Variants in MT1G observed in about 807,000 individuals in gnomAD.
MT1G encodes the protein metallothionein 1G.
MT1G carries 8 observed loss-of-function variants against 9.1 expected under a neutral mutation model. The ratio of observed to expected loss-of-function variants is 0.87; its 90% CI spans 0.51 to 1.58. The LOEUF (loss-of-function observed/expected upper bound fraction) is 1.58, where lower values mean the gene tolerates loss of function less well. MT1G is among the 40% of genes most tolerant of loss of function. The probability of loss-of-function intolerance (pLI) is 0.00; values close to 1 mark genes in which losing one functional copy is unlikely to be tolerated. For synonymous variants in MT1G, 31 were observed against 28.4 expected (o/e 1.09, Z -0.29); for missense variants, 79 against 77.3 (o/e 1.02, Z -0.08).
rs140791442 is a variant in MT1G at position 56,666,907 on chromosome 16, G to A, written c.161C>T (p.Ala54Val). ...KCAQGCICKG[A>V]SEKCSCCA ...GGCGCAGCAGCTGCACTTCTCCGAT[G>A]CCCCTTTGCAGATGCAGCCCTGGGC... The change falls in exon 3 of 3, where the codon GCA (alanine) becomes GTA (valine). Residue 54 changes from alanine to valine, a missense_variant. By Grantham distance (64) the Ala-to-Val change is moderately conservative. Transcript: ENST00000379811. The A allele has an allele frequency of 5.7e-4, 927 of 1,614,242 alleles. 3 individuals are homozygous for A. The highest frequency in any genetic ancestry group is 5.2e-3 in the East Asian group (233 of 44,892).
intron 2 of MT1G, 54 bp downstream of exon 2, chr16:56,667,258 T>C: frequency 6.2e-7 from 1 of 1,614,074 alleles, no homozygotes; most frequent in Non-Finnish European, 8.5e-7. Context: ...AGCCTTGGGT[T>C]CCCTCCCAAC....
chr16:56,668,038 G>C lies in MT1G; in HGVS notation c.-45C>G. 6.2e-7 allele frequency: 1 copy of C among 1,606,488 alleles called. No individual in the cohort carries two copies. The highest frequency in any genetic ancestry group is 1.1e-5 in the South Asian group (1 of 90,944). On this transcript the variant is annotated 5_prime_UTR_variant, in exon 1 of 3. Coordinates refer to ENST00000379811, the MANE Select transcript of MT1G (RefSeq NM_001301267.2). ...AGAGTTCCCAAGCGAGAAGGGAAGA[G>C]GCAGTGGGTGCACGTGGAAGGCGGA...
rs758840134 is a variant in MT1G at position 56,666,910 on chromosome 16, C to T, written c.158G>A (p.Gly53Glu). The change falls in exon 3 of 3, where the codon GGG (glycine) becomes GAG (glutamate). Residue 53 changes from glycine to glutamate, a missense_variant. By Grantham distance (98) the Gly-to-Glu change is moderately conservative. Coordinates refer to ENST00000379811, the MANE Select transcript of MT1G (RefSeq NM_001301267.2). ...GCAGCAGCTGCACTTCTCCGATGCCCCTTTGCAGATGCAGCCCTGGGCACA... is the reference window on the plus strand; with the variant it reads ...GCAGCAGCTGCACTTCTCCGATGCCTCTTTGCAGATGCAGCCCTGGGCACA... ...AKCAQGCICK[G>E]ASEKCSCCA The T allele has an allele frequency of 4.3e-5, 70 of 1,614,110 alleles. No homozygotes were observed. Among genetic ancestry groups the T allele is most frequent in the Middle Eastern group, 1.6e-4 (1 of 6,080 alleles).
At chr16:56,667,283 C>T in intron 2 of MT1G, 29 bp downstream of exon 2, 1 of 1,614,234 alleles carries the variant, frequency 6.2e-7, no homozygotes, top group South Asian at 1.1e-5. Context: ...GCCACAGCCC[C>T]AGATTCCTGG....
intron 2 of MT1G, 160 bp downstream of exon 2, chr16:56,667,152 T>C (rs1960792209): frequency 1.3e-6 from 2 of 1,541,432 alleles, no homozygotes; most frequent in Non-Finnish European, 1.8e-6. Context: ...CTGCCCCACC[T>C]CACATAAGCC....
At position 56,667,296 on chromosome 16, in the gene MT1G, A is replaced by G. The variant is rs770981958; in HGVS notation, c.97+16T>C. 11 of 1,614,124 alleles carry G rather than the reference A, an allele frequency of 6.8e-6. No homozygotes were observed. The Admixed American group carries it at 1.5e-4, about 22-fold the overall frequency. On this transcript the variant is annotated intron_variant, in intron 2 of 2. Coordinates refer to ENST00000379811, the MANE Select transcript of MT1G (RefSeq NM_001301267.2). The stretch of plus-strand genomic sequence containing the variant: ...TAGCCACAGCCCCAGATTCCTGGAG[A>G]TGGCCCCGCACTCACTCTTCTTGCA...
rs1250649759 is a variant in MT1G, at chr16:56,666,872, C to G, written c.*7G>C. On this transcript the variant is annotated 3_prime_UTR_variant, in exon 3 of 3. Transcript: ENST00000379811. ...TATTTGTACTTGGGAGCAGGGCTGT[C>G]CCGACATCAGGCGCAGCAGCTGCAC... is the stretch of plus-strand genomic sequence containing the variant. 5 of 1,614,068 alleles carry G rather than the reference C, an allele frequency of 3.1e-6. No homozygotes were observed. The highest frequency in any genetic ancestry group is 3.3e-5 in the Admixed American group (2 of 59,998).
In MT1G at chr16:56,666,850, T is replaced by C. The variant is rs1960783992; in HGVS notation, c.*29A>G. 6.2e-7 allele frequency: 1 copy of C among 1,612,102 alleles called. No individual in the cohort carries two copies. On this transcript the variant is annotated 3_prime_UTR_variant, in exon 3 of 3. Transcript: ENST00000379811. ...TCCTGGATTTTACGGGTCACTCTAT[T>C]TGTACTTGGGAGCAGGGCTGTCCCG...
chr16:56,667,360 C>T lies in MT1G; in HGVS notation c.49G>A (p.Ala17Thr), dbSNP rs370776559. The T allele has an allele frequency of 4.8e-5, 77 of 1,614,086 alleles. 1 individual carries two copies. Among genetic ancestry groups the T allele is most frequent in the East Asian group, 1.1e-4 (5 of 44,898 alleles). Reference sequence around the variant, plus strand: ...CACTCTTTGCACTTGCAGGAGCTGGCGCAGGTGCAGGAGACACCTGCTAGA... The same window carrying T: ...CACTCTTTGCACTTGCAGGAGCTGGTGCAGGTGCAGGAGACACCTGCTAGA... The part of the protein sequence containing the change: ...CAAAGVSCTC[A>T]SSCKCKECKC... Residue 17 changes from alanine (A) to threonine (T), a missense_variant, in exon 2 of 3, where the codon GCC becomes ACC. Physicochemically the swap from Ala to Thr is moderately conservative, Grantham distance 58. Coordinates refer to ENST00000379811, the MANE Select transcript of MT1G (RefSeq NM_001301267.2).
In MT1G at chr16:56,667,512, G is replaced by C. The variant is rs1320970675; in HGVS notation, c.29-132C>G. ...TCCTTTCCCACTCAGAGCAGAGGAAGAGAAGCCCCATGTCCTCTCCATTCA... is the reference window on the plus strand; with the variant it reads ...TCCTTTCCCACTCAGAGCAGAGGAACAGAAGCCCCATGTCCTCTCCATTCA... On this transcript the variant is annotated intron_variant, in intron 1 of 2. Coordinates refer to ENST00000379811, the MANE Select transcript of MT1G (RefSeq NM_001301267.2). The C allele has an allele frequency of 3.9e-6, 5 of 1,292,770 alleles. No homozygotes were observed. In the East Asian group the frequency reaches 1.0e-4, roughly 26 times the overall value. The allele number at this position is 1,292,770 out of a possible 1,614,324, so 80.1% of individuals were successfully genotyped here. A position where few individuals can be genotyped will look rare whatever the true frequency, so the allele number is the denominator to read the frequency against.
At position 56,667,984 on chromosome 16, in the gene MT1G, T is replaced by C. The variant is rs371243833; in HGVS notation, c.10A>G (p.Asn4Asp). The change falls in exon 1 of 3, where the codon AAC becomes GAC. Residue 4 changes from asparagine to aspartate, a missense_variant. Asn to Asp is a conservative substitution (Grantham distance 23). Transcript: ENST00000379811. ...CCCTTACCAGCGGCACAGGAGCAGTTGGGGTCCATTGCAACCCGAGGCGAG... is the reference window on the plus strand; with the variant it reads ...CCCTTACCAGCGGCACAGGAGCAGTCGGGGTCCATTGCAACCCGAGGCGAG... Reference protein sequence around the residue: MDPNCSCAAAGVSC... With the variant: MDPDCSCAAAGVSC... The C allele has an allele frequency of 4.5e-5, 73 of 1,613,990 alleles. No individual in the cohort carries two copies. The East Asian group carries it at 6.9e-4, about 15-fold the overall frequency.
chr16:56,667,301 C>T lies in MT1G; in HGVS notation c.97+11G>A. The T allele has an allele frequency of 6.2e-7, 1 of 1,614,276 alleles. No individual in the cohort carries two copies. The highest frequency in any genetic ancestry group is 1.3e-5 in the African/African-American group (1 of 75,082). On this transcript the variant is annotated intron_variant, in intron 2 of 2. Transcript: ENST00000379811. The stretch of plus-strand genomic sequence containing the variant: ...ACAGCCCCAGATTCCTGGAGATGGC[C>T]CCGCACTCACTCTTCTTGCAGGAGG...
rs776868984 is a variant in MT1G at position 56,667,304 on chromosome 16, G to C, written c.97+8C>G. 5 of 1,614,250 alleles carry C rather than the reference G, an allele frequency of 3.1e-6. No individual in the cohort carries two copies. The highest frequency in any genetic ancestry group is 4.2e-6 in the Non-Finnish European group (5 of 1,180,044). On this transcript the variant is annotated splice_region_variant and intron_variant, in intron 2 of 2. Coordinates refer to ENST00000379811, the MANE Select transcript of MT1G (RefSeq NM_001301267.2). ...GCCCCAGATTCCTGGAGATGGCCCC[G>C]CACTCACTCTTCTTGCAGGAGGTGC... is the stretch of plus-strand genomic sequence containing the variant.
chr16:56,667,457 C>T (rs553000121), intron 1 of MT1G, 77 bp from the exon 2 acceptor site: 1 of 1,591,508 alleles, frequency 6.3e-7, no homozygotes, highest in South Asian at 1.1e-5. Context: ...TCCACTTCCC[C>T]CTTCTCTGTG....
At position 56,668,033 on chromosome 16, in the gene MT1G, G is replaced by A. The variant is rs749309413; in HGVS notation, c.-40C>T. ...AGACTAGAGTTCCCAAGCGAGAAGG[G>A]AAGAGGCAGTGGGTGCACGTGGAAG... On this transcript the variant is annotated 5_prime_UTR_variant, in exon 1 of 3. Coordinates refer to ENST00000379811, the MANE Select transcript of MT1G (RefSeq NM_001301267.2). 3.1e-6 allele frequency: 5 copies of A among 1,611,286 alleles called. No individual in the cohort carries two copies. The highest frequency in any genetic ancestry group is 1.7e-5 in the Admixed American group (1 of 59,984).
intron 2 of MT1G, 153 bp from the exon 3 acceptor site, chr16:56,667,123 G>A: frequency 3.2e-6 from 5 of 1,550,696 alleles, no homozygotes; most frequent in Non-Finnish European, 8.8e-7. Flanking sequence ...ACATTGGAAT[G>A]GGTCTTCCTT....
At position 56,667,220 on chromosome 16, in the gene MT1G, G is replaced by A. The variant is rs753143106; in HGVS notation, c.97+92C>T. On this transcript the variant is annotated intron_variant, in intron 2 of 2. Transcript: ENST00000379811. ...CAACCTACAGGGACAAAGGAAGGCC[G>A]GTTCCCCAGAAGCACGCACTCAGGG... is the stretch of plus-strand genomic sequence containing the variant. 1.6e-5 allele frequency: 26 copies of A among 1,609,154 alleles called. No individual in the cohort carries two copies. In the Middle Eastern group the frequency reaches 1.3e-3, roughly 81 times the overall value.
At position 56,667,311 on chromosome 16, in the gene MT1G, CTCT is replaced by C. The variant is rs770885925; in HGVS notation, c.95_97del (p.Lys32del). On this transcript the variant is annotated inframe_deletion and splice_region_variant, in exon 2 of 3. Coordinates refer to ENST00000379811, the MANE Select transcript of MT1G (RefSeq NM_001301267.2). Reference sequence around the variant, plus strand: ...ATTCCTGGAGATGGCCCCGCACTCACTCTTCTTGCAGGAGGTGCATTTGCACTC... The same window carrying C: ...ATTCCTGGAGATGGCCCCGCACTCACTCTTGCAGGAGGTGCATTTGCACTC... The C allele has an allele frequency of 2.0e-5, 33 of 1,614,290 alleles. No homozygotes were observed. The African/African-American group carries it at 3.3e-4, about 16-fold the overall frequency.
chr16:56,667,009 G>A (rs774157377), intron 2 of MT1G, 39 bp from the exon 3 acceptor site: 1 of 1,611,412 alleles, frequency 6.2e-7, no homozygotes, highest in Non-Finnish European at 8.5e-7. Flanking sequence ...GAGCAGACTC[G>A]ATCAGAGAAC....
Sources: gnomAD v4.1 joint callset for allele counts on GRCh38, gnomAD v4.1.1 for gene constraint, MANE v1.5 for transcripts, NCBI Gene and HGNC (gene_info 2026-07-23, HGNC 2026-07-21) for gene names.